CCDC91: variants seen among roughly 807,000 people sequenced by gnomAD.
CCDC91 encodes coiled-coil domain containing 91, also known as coiled-coil domain-containing protein 91.
Under a neutral mutation model 63.2 loss-of-function variants are expected in CCDC91, and 48 were observed. That is an observed-to-expected ratio of 0.76 (90% confidence interval 0.60 to 0.97). The LOEUF (loss-of-function observed/expected upper bound fraction) is 0.97. Among genes scored for constraint, CCDC91 ranks in the 50% least tolerant of loss-of-function variants. The pLI, the probability that CCDC91 is intolerant of heterozygous loss-of-function variation, is 0.00. For synonymous variants in CCDC91, 167 were observed against 165.8 expected, an observed-to-expected ratio of 1.01 and a Z score of -0.06; for missense variants, 500 against 494.6, an observed-to-expected ratio of 1.01 and a Z score of -0.10.
chr12:28,301,196 G>T (rs1414571688), intron 3 of CCDC91, among the ~76,000 whole-genome samples: 2 of 151,410 alleles, frequency 1.3e-5, no homozygotes, highest in Admixed American at 6.6e-5. Flanking sequence ...TTAAGTTGCT[G>T]CCTTTAGGGC....
In CCDC91 at chr12:28,366,058, G is replaced by GTAT. The variant is rs144760119; in HGVS notation, c.654+3545_654+3546insTTA. ...AACAAAAATGGCAAAAGCCTAAAAT[G>GTAT]TAATGCATAGGAAGATAACTTATGT... On this transcript the variant is annotated intron_variant, in intron 7 of 12. Coordinates refer to ENST00000536442, the MANE Select transcript of CCDC91 (RefSeq NM_018318.5). Among the ~76,000 whole-genome samples the GTAT allele has an allele frequency of 9.2e-3, 1,399 of 152,158 alleles. 25 individuals carry two copies. Among genetic ancestry groups the GTAT allele is most frequent in the African/African-American group, 0.032 (1,329 of 41,508 alleles).
chr12:28,382,236 A>C (rs1395963347), intron 7 of CCDC91, among the ~76,000 whole-genome samples: 3 of 151,892 alleles, frequency 2.0e-5, no homozygotes, highest in Non-Finnish European at 4.4e-5. Flanking sequence ...TTTGAGATCT[A>C]TATTTTATGA....
At chr12:28,464,471 G>A (rs1950456398) in intron 11 of CCDC91, among the ~76,000 whole-genome samples, 1 of 152,174 alleles carries the variant, frequency 6.6e-6, no homozygotes, top group Non-Finnish European at 1.5e-5. Flanking sequence ...ACAGTAGGGA[G>A]GACTTTGTCT....
At chr12:28,197,447 G>A (rs11049444) in intron 1 of CCDC91, among the ~76,000 whole-genome samples, 39,500 of 151,714 alleles carry the variant, frequency 0.26, 5,366 homozygotes, top group Non-Finnish European at 0.31. Context: ...TTTGTGCCTA[G>A]CTTCATGTAA....
chr12:28,470,298 G>T (rs1208816856), intron 11 of CCDC91, among the ~76,000 whole-genome samples: 1 of 152,050 alleles, frequency 6.6e-6, no homozygotes, highest in African/African-American at 2.4e-5. Flanking sequence ...TTTCTCAAAA[G>T]AAGACATACA....
At chr12:28,374,318 A>C (rs1225080961) in intron 7 of CCDC91, among the ~76,000 whole-genome samples, 1 of 152,126 alleles carries the variant, frequency 6.6e-6, no homozygotes, top group Admixed American at 6.6e-5. Context: ...TGTTTACGTC[A>C]TCTGGTCGTA....
intron 3 of CCDC91, among the ~76,000 whole-genome samples, chr12:28,270,454 C>T (rs893984079): frequency 2.0e-5 from 3 of 151,994 alleles, no homozygotes; most frequent in Admixed American, 6.6e-5. Flanking sequence ...GACAATACAG[C>T]GTTGACAAAA....
chr12:28,504,856 G>GT (rs1938506588), intron 12 of CCDC91, among the ~76,000 whole-genome samples: 1 of 151,936 alleles, frequency 6.6e-6, no homozygotes, highest in East Asian at 1.9e-4. Context: ...CAGTTTCTCT[G>GT]TAGTTATAAA....
chr12:28,481,356 A>G (rs1951438016), intron 11 of CCDC91, among the ~76,000 whole-genome samples: 1 of 151,966 alleles, frequency 6.6e-6, no homozygotes, highest in Non-Finnish European at 1.5e-5. Flanking sequence ...CAGTAGTTCC[A>G]AGGTTGAGAA....
At chr12:28,339,566 A>G (rs1942267134) in intron 6 of CCDC91, among the ~76,000 whole-genome samples, 1 of 152,138 alleles carries the variant, frequency 6.6e-6, no homozygotes, top group Admixed American at 6.5e-5. Context: ...GATAAAAAAT[A>G]CAATATAACA....
intron 1 of CCDC91, among the ~76,000 whole-genome samples, chr12:28,216,195 G>T (rs1391102443): frequency 6.6e-6 from 1 of 152,022 alleles, no homozygotes. Context: ...CATTGTGATT[G>T]TGTAGCAATG....
At chr12:28,307,540 T>C (rs1938872124) in intron 5 of CCDC91, 105 bp from the exon 6 acceptor site, 1 of 601,286 alleles carries the variant, frequency 1.7e-6, no homozygotes, top group African/African-American at 2.0e-5. Context: ...GTACTTCCCA[T>C]GGATTCTTTC....
intron 1 of CCDC91, among the ~76,000 whole-genome samples, chr12:28,192,999 G>A (rs373646383): frequency 6.6e-5 from 10 of 152,328 alleles, no homozygotes; most frequent in African/African-American, 2.2e-4. Flanking sequence ...GAATCATACA[G>A]TATGTAGCCT....
At chr12:28,289,672 GTTCTT>G (rs1565739615) in intron 3 of CCDC91, among the ~76,000 whole-genome samples, 1 of 131,546 alleles carries the variant, frequency 7.6e-6, no homozygotes, top group African/African-American at 2.8e-5. Flanking sequence ...GGGGTGGAGA[GTTCTT>G]TTCTTTTCTT....
intron 12 of CCDC91, among the ~76,000 whole-genome samples, chr12:28,527,039 T>C (rs1185453537): frequency 6.6e-6 from 1 of 152,204 alleles, no homozygotes; most frequent in Non-Finnish European, 1.5e-5. Flanking sequence ...TTCCTTACAT[T>C]GGACTTTGCC....
intron 1 of CCDC91, among the ~76,000 whole-genome samples, chr12:28,214,722 A>G (rs1943456979): frequency 6.6e-6 from 1 of 152,200 alleles, no homozygotes; most frequent in Admixed American, 6.5e-5. Flanking sequence ...CAAGGGAAAT[A>G]GAAATGTCAT....
chr12:28,510,236 C>CGTGTGTGTGTGTGTGTGTGTGTGTGT (rs567113847), intron 12 of CCDC91, among the ~76,000 whole-genome samples: 12,515 of 135,802 alleles, frequency 0.092, 788 homozygotes, highest in Non-Finnish European at 0.12. Context: ...GTCAATAGGG[C>CGTGTGTGTGTGTGTGTGTGTGTGTGT]ATGTGTGTGT....
intron 1 of CCDC91, among the ~76,000 whole-genome samples, chr12:28,244,494 CTTTTTTTTTTTTT>C (rs3064681): frequency 3.1e-4 from 12 of 38,408 alleles, no homozygotes; most frequent in Non-Finnish European, 3.5e-4. Context: ...TAGAAGAAGG[CTTTTTTTTTTTTT>C]TTTTTTTTTT....
At chr12:28,447,201 A>C (rs1480948335) in intron 8 of CCDC91, among the ~76,000 whole-genome samples, 1 of 152,196 alleles carries the variant, frequency 6.6e-6, no homozygotes, top group East Asian at 1.9e-4. Flanking sequence ...AAAAATTGGG[A>C]ACAACATAAA....
Sources: allele counts gnomAD v4.1 joint callset (sites outside exome capture counted in the v4.1 genomes callset), GRCh38; gene constraint gnomAD v4.1.1; transcripts MANE v1.5; gene names NCBI Gene and HGNC (gene_info 2026-07-23, HGNC 2026-07-21).